Variants in ASB5 observed in about 807,000 individuals in gnomAD.
ASB5 encodes the protein ankyrin repeat and SOCS box protein 5.
A neutral mutation model predicts 42.1 loss-of-function variants in ASB5; 45 were observed. The ratio of observed to expected loss-of-function variants is 1.07; its 90% CI spans 0.84 to 1.37. The LOEUF (loss-of-function observed/expected upper bound fraction) is 1.37. Among genes scored for constraint, ASB5 ranks in the 40% most tolerant of loss-of-function variants. ASB5 has a pLI of 0.00. For missense variants in ASB5, 402 were observed against 399.8 expected, an observed-to-expected ratio of 1.01 and a Z score of -0.05; for synonymous variants, 147 against 150.6, an observed-to-expected ratio of 0.98 and a Z score of 0.18.
chr4:176,277,434 G>A (rs1373316597), exon 1 of ASB5: 1 of 152,112 alleles, frequency 6.6e-6, no homozygotes, highest in Non-Finnish European at 1.5e-5. Flanking sequence ...CTTGCAGCAA[G>A]TAAAATACCC....
intron 1 of ASB5, among the ~76,000 whole-genome samples, chr4:176,227,704 G>C (rs1753418193): frequency 6.6e-6 from 1 of 152,104 alleles, no homozygotes; most frequent in Admixed American, 6.6e-5. Context: ...GCTAGAAAGG[G>C]GTGGATGTAA....
chr4:176,244,993 C>T (rs1305595150), intron 1 of ASB5, among the ~76,000 whole-genome samples: 4 of 152,074 alleles, frequency 2.6e-5, no homozygotes, highest in Non-Finnish European at 4.4e-5. Flanking sequence ...AAAGATGACC[C>T]AGGCCTCACC....
At chr4:176,257,495 ACT>A (rs1221199903) in intron 1 of ASB5, among the ~76,000 whole-genome samples, 12 of 152,024 alleles carry the variant, frequency 7.9e-5, no homozygotes, top group Non-Finnish European at 1.6e-4. Context: ...CACTAGCCAA[ACT>A]CTGCATTACT....
At chr4:176,244,860 G>T (rs550384786) in intron 1 of ASB5, among the ~76,000 whole-genome samples, 4 of 152,214 alleles carry the variant, frequency 2.6e-5, no homozygotes, top group Non-Finnish European at 5.9e-5. Flanking sequence ...CACACTACAG[G>T]TTCAAGTGGG....
At position 176,215,611 on chromosome 4, in the gene ASB5, G is replaced by T; in HGVS notation, c.979C>A (p.Gln327Lys). The change falls in exon 7 of 7, where the codon CAG (glutamine) becomes AAG (lysine). Residue 327 changes from glutamine to lysine, a missense_variant. Gln to Lys is a moderately conservative substitution (Grantham distance 53, BLOSUM62 1). Transcript: ENST00000296525. ...QLPTLLKNFL[Q>K]YR The stretch of plus-strand genomic sequence containing the variant: ...ATTACTTTACTGTTTTATCGATACT[G>T]TAAGAAATTCTTCAGTAACGTTGGC... The T allele has an allele frequency of 1.9e-6, 3 of 1,612,408 alleles. No homozygotes were observed. The highest frequency in any genetic ancestry group is 2.5e-6 in the Non-Finnish European group (3 of 1,179,082).
intron 1 of ASB5, among the ~76,000 whole-genome samples, chr4:176,233,980 C>T (rs1753617908): frequency 6.6e-6 from 1 of 152,124 alleles, no homozygotes; most frequent in Non-Finnish European, 1.5e-5. Context: ...TTCTCACACC[C>T]ACCAGGCGCA....
chr4:176,243,318 G>A (rs973798785), intron 1 of ASB5, among the ~76,000 whole-genome samples: 4 of 152,118 alleles, frequency 2.6e-5, no homozygotes, highest in Non-Finnish European at 5.9e-5. Flanking sequence ...TAATGAAGAT[G>A]TCTGTCTGCA....
rs1752939908 is a variant in ASB5 at position 176,215,440 on chromosome 4, G to T, written c.*160C>A. On this transcript the variant is annotated 3_prime_UTR_variant, in exon 7 of 7. Transcript: ENST00000296525. ...AGACAGCATAAATGATAAAACAATA[G>T]TACTAATACACTTAAAATGAAAATT... 1 of 650,676 alleles carries T rather than the reference G, an allele frequency of 1.5e-6. No individual in the cohort carries two copies. The highest frequency in any genetic ancestry group is 2.9e-5 in the East Asian group (1 of 34,278). The allele number at this position is 650,676 out of a possible 1,614,324, so 40.3% of individuals were successfully genotyped here. A position where few individuals can be genotyped will look rare whatever the true frequency, so the allele number is the denominator to read the frequency against.
At chr4:176,232,522 G>C (rs1479933542) in intron 1 of ASB5, among the ~76,000 whole-genome samples, 1 of 152,062 alleles carries the variant, frequency 6.6e-6, no homozygotes, top group Non-Finnish European at 1.5e-5. Flanking sequence ...CTAAGACTCT[G>C]TCCCTAATTT....
In ASB5 at chr4:176,214,595, C is replaced by A. The variant is rs143406738; in HGVS notation, c.*1005G>T. On this transcript the variant is annotated 3_prime_UTR_variant, in exon 7 of 7. Transcript: ENST00000296525. ...TGTGTAAAAAGAATTAGAAACAGTG[C>A]GATTAAGTTCTCTATATACATTTTT... 2 of 151,930 alleles carry A rather than the reference C, an allele frequency of 1.3e-5. No individual in the cohort carries two copies. Among genetic ancestry groups the A allele is most frequent in the African/African-American group, 4.8e-5 (2 of 41,364 alleles). 9.4% of individuals were successfully genotyped at this position (151,930 alleles called of 1,614,324 possible).
chr4:176,241,144 G>A (rs749037816), intron 1 of ASB5, among the ~76,000 whole-genome samples: 10 of 151,858 alleles, frequency 6.6e-5, no homozygotes, highest in African/African-American at 1.9e-4. Context: ...AATTATAACC[G>A]CAATATCATA....
upstream of ASB5, among the ~76,000 whole-genome samples, chr4:176,273,108 C>T (rs1297605375): frequency 1.3e-5 from 2 of 151,972 alleles, no homozygotes; most frequent in African/African-American, 4.8e-5. Flanking sequence ...AGCCACTGTG[C>T]CCAGCCCTTT....
At chr4:176,225,789 C>T (rs955440882) in intron 1 of ASB5, among the ~76,000 whole-genome samples, 2 of 152,114 alleles carry the variant, frequency 1.3e-5, no homozygotes, top group Non-Finnish European at 2.9e-5. Context: ...AGGGTTTCAC[C>T]ATGTTGGCCA....
intron 1 of ASB5, among the ~76,000 whole-genome samples, chr4:176,254,194 C>T (rs1018062372): frequency 6.6e-6 from 1 of 152,128 alleles, no homozygotes; most frequent in Admixed American, 6.6e-5. Context: ...ACTGAAACAG[C>T]GTGGTAGTGG....
intron 1 of ASB5, among the ~76,000 whole-genome samples, chr4:176,236,002 A>G (rs143232839): frequency 1.3e-5 from 2 of 152,174 alleles, no homozygotes; most frequent in African/African-American, 4.8e-5. Flanking sequence ...GGTATGTGCC[A>G]CTGGGCCTGG....
At chr4:176,261,242 G>A (rs1041370265) in intron 1 of ASB5, among the ~76,000 whole-genome samples, 4 of 151,970 alleles carry the variant, frequency 2.6e-5, no homozygotes, top group African/African-American at 9.7e-5. Context: ...GTGTTGGGGA[G>A]GTATTCCATC....
rs187744239 is a variant in ASB5 at position 176,231,891 on chromosome 4, A to G, written c.197-6550T>C. Among the ~76,000 whole-genome samples the G allele has an allele frequency of 5.7e-3, 869 of 151,656 alleles. 6 individuals carry two copies. Among genetic ancestry groups the G allele is most frequent in the African/African-American group, 0.019 (768 of 41,390 alleles). ...ACAAAAAAGTCTTTACCTGCTCCCA[A>G]TCTTAGAACATCCCATCAGCAGAAG... On this transcript the variant is annotated intron_variant, in intron 1 of 6. Coordinates refer to ENST00000296525, the MANE Select transcript of ASB5 (RefSeq NM_080874.4).
intron 1 of ASB5, among the ~76,000 whole-genome samples, chr4:176,238,878 C>A (rs1753751312): frequency 6.6e-6 from 1 of 152,184 alleles, no homozygotes; most frequent in Non-Finnish European, 1.5e-5. Context: ...TTTTCCTTAT[C>A]TTCAATTAAG....
chr4:176,248,688 A>C (rs1336374757), intron 1 of ASB5, among the ~76,000 whole-genome samples: 1 of 152,240 alleles, frequency 6.6e-6, no homozygotes, highest in Non-Finnish European at 1.5e-5. Flanking sequence ...TATGTAGGCA[A>C]TTATATCATA....
Sources: gnomAD v4.1 joint callset for allele counts (sites outside exome capture counted in the v4.1 genomes callset) on GRCh38, gnomAD v4.1.1 for gene constraint, MANE v1.5 for transcripts, NCBI Gene and HGNC (gene_info 2026-07-23, HGNC 2026-07-21) for gene names.